CDH4: variants seen among roughly 807,000 people sequenced by gnomAD.
The protein encoded by CDH4 is cadherin-4.
A neutral mutation model predicts 86.0 loss-of-function variants in CDH4; 33 were observed. The ratio of observed to expected loss-of-function variants is 0.38; its 90% CI spans 0.29 to 0.51. The LOEUF is 0.51. CDH4 is among the 20% of genes least tolerant of loss of function. CDH4 has a pLI of 0.86. For synonymous variants in CDH4, 555 were observed against 549.4 expected (o/e 1.01, Z -0.14); for missense variants, 1,114 against 1,307.4 (o/e 0.85, Z 2.28).
At chr20:61,601,453 C>T (rs943243853) in intron 2 of CDH4, among the ~76,000 whole-genome samples, 3 of 152,202 alleles carry the variant, frequency 2.0e-5, no homozygotes, top group African/African-American at 7.2e-5. Flanking sequence ...CACCTGTGCC[C>T]TCCCTGCAGA....
chr20:61,565,173 T>C (rs113768042), intron 2 of CDH4, among the ~76,000 whole-genome samples: 2 of 79,160 alleles, frequency 2.5e-5, no homozygotes, highest in South Asian at 4.6e-4. Context: ...GGTGATGGGG[T>C]GGTGGTGGTG....
chr20:61,312,296 AGTGTGTGTATG>A (rs2084450779), intron 2 of CDH4, among the ~76,000 whole-genome samples: 3 of 139,560 alleles, frequency 2.1e-5, no homozygotes, highest in Admixed American at 2.1e-4. Flanking sequence ...TGCATATGTC[AGTGTGTGTATG>A]GTGTGTGCAT....
chr20:61,497,596 T>C (rs1471031923), intron 2 of CDH4, among the ~76,000 whole-genome samples: 1 of 152,220 alleles, frequency 6.6e-6, no homozygotes, highest in African/African-American at 2.4e-5. Flanking sequence ...GGAACACTTT[T>C]ACACTGTTGG....
At chr20:61,654,758 C>T (rs2087168548) in intron 2 of CDH4, among the ~76,000 whole-genome samples, 1 of 152,192 alleles carries the variant, frequency 6.6e-6, no homozygotes, top group Admixed American at 6.5e-5. Context: ...GTCAGCTTTG[C>T]CCAGGATGGC....
rs78571086 is a variant in CDH4 at position 61,626,652 on chromosome 20, C to T, written c.170-116911C>T. On this transcript the variant is annotated intron_variant, in intron 2 of 15. Coordinates refer to ENST00000614565, the MANE Select transcript of CDH4 (RefSeq NM_001794.5). ...CACGCCCGGGCTTAGCTAACGTGGG[C>T]AGCAGGTCTGCTTCTGCACCCAGCA... 1.8e-3 allele frequency among the ~76,000 whole-genome samples: 278 copies of T among 152,292 alleles called. 12 individuals carry two copies. The East Asian group carries it at 0.051, about 28-fold the overall frequency.
chr20:61,325,992 T>A lies in CDH4; in HGVS notation c.169+71055T>A, dbSNP rs6101312. Among the ~76,000 whole-genome samples, 695 of 152,300 alleles carry A rather than the reference T, an allele frequency of 4.6e-3. 2 individuals are homozygous for A. The highest frequency in any genetic ancestry group is 0.01 in the South Asian group (50 of 4,824). The stretch of plus-strand genomic sequence containing the variant: ...TGGTGGCGGTACCGGTTCAAACCCA[T>A]CAGGAAGTGAGGAGCTGCCTGTCCT... On this transcript the variant is annotated intron_variant, in intron 2 of 15. Coordinates refer to ENST00000614565, the MANE Select transcript of CDH4 (RefSeq NM_001794.5).
intron 2 of CDH4, among the ~76,000 whole-genome samples, chr20:61,423,194 A>G (rs2085189925): frequency 6.6e-6 from 1 of 152,164 alleles, no homozygotes; most frequent in Non-Finnish European, 1.5e-5. Context: ...GGACAGACCC[A>G]GCATCTGCCT....
chr20:61,457,926 G>A (rs1474172991), intron 2 of CDH4, among the ~76,000 whole-genome samples: 1 of 149,444 alleles, frequency 6.7e-6, no homozygotes, highest in Non-Finnish European at 1.5e-5. Context: ...GGTGATGGCA[G>A]TGCTGACACT....
rs142234113 is a variant in CDH4 at position 61,728,712 on chromosome 20, C to T, written c.170-14851C>T. Among the ~76,000 whole-genome samples, 27 of 152,296 alleles carry T rather than the reference C, an allele frequency of 1.8e-4. No individual in the cohort carries two copies. The East Asian group carries it at 2.1e-3, about 12-fold the overall frequency. ...GTCTGAGCAGACAGTATTGAATGAA[C>T]GGATGAATGTATGAGTGAAGATTCA... On this transcript the variant is annotated intron_variant, in intron 2 of 15. Coordinates refer to ENST00000614565, the MANE Select transcript of CDH4 (RefSeq NM_001794.5).
In CDH4 at chr20:61,522,721, C is replaced by T. The variant is rs368990391; in HGVS notation, c.170-220842C>T. ...CACCCGGCTGCGGGCTGTTGTCTTC[C>T]GCGGAAATGGCCGCGGGCTGTTGTC... On this transcript the variant is annotated intron_variant, in intron 2 of 15. Transcript: ENST00000614565. Among the ~76,000 whole-genome samples, 470 of 128,074 alleles carry T rather than the reference C, an allele frequency of 3.7e-3. 3 individuals carry two copies. The highest frequency in any genetic ancestry group is 0.012 in the African/African-American group (443 of 37,926). 84.0% of individuals were successfully genotyped at this position (128,074 alleles called of 152,430 possible).
intron 11 of CDH4, among the ~76,000 whole-genome samples, chr20:61,927,171 C>A (rs1057189578): frequency 5.3e-5 from 8 of 152,258 alleles, no homozygotes; most frequent in Admixed American, 6.5e-5. Context: ...CTGCCTCAGT[C>A]AAAACACGTG....
chr20:61,466,820 C>T (rs1293753300), intron 2 of CDH4, among the ~76,000 whole-genome samples: 1 of 147,328 alleles, frequency 6.8e-6, no homozygotes, highest in Non-Finnish European at 1.5e-5. Flanking sequence ...CACTGCACTC[C>T]AGCCTGGGTG....
chr20:61,735,845 C>T (rs564541220), intron 2 of CDH4, among the ~76,000 whole-genome samples: 1 of 152,312 alleles, frequency 6.6e-6, no homozygotes, highest in African/African-American at 2.4e-5. Flanking sequence ...CAGCGGGGGC[C>T]ACAGCCTTCT....
intron 2 of CDH4, among the ~76,000 whole-genome samples, chr20:61,619,493 G>A (rs1600812259): frequency 6.6e-6 from 1 of 152,176 alleles, no homozygotes; most frequent in East Asian, 1.9e-4. Flanking sequence ...CTCTGAGTTT[G>A]GCACAGAGTG....
chr20:61,812,090 C>T (rs562451485), intron 4 of CDH4, among the ~76,000 whole-genome samples: 2 of 152,244 alleles, frequency 1.3e-5, no homozygotes, highest in East Asian at 1.9e-4. Context: ...AGCACTCTCA[C>T]CGTGCCTTAG....
At chr20:61,454,736 C>T (rs578037782) in intron 2 of CDH4, among the ~76,000 whole-genome samples, 2 of 152,244 alleles carry the variant, frequency 1.3e-5, no homozygotes, top group African/African-American at 2.4e-5. Flanking sequence ...TGAGCCACCG[C>T]GCCCTGCTGG....
chr20:61,693,999 T>G (rs1458092793), intron 2 of CDH4, among the ~76,000 whole-genome samples: 1 of 147,360 alleles, frequency 6.8e-6, no homozygotes, highest in African/African-American at 2.5e-5. Flanking sequence ...TTCAAGCGAG[T>G]CTCCTGCCTC....
At chr20:61,474,294 G>A (rs1410184507) in intron 2 of CDH4, among the ~76,000 whole-genome samples, 3 of 149,612 alleles carry the variant, frequency 2.0e-5, no homozygotes, top group African/African-American at 7.4e-5. Flanking sequence ...CCGAGTAGCT[G>A]GGATTACAGG....
intron 2 of CDH4, among the ~76,000 whole-genome samples, chr20:61,559,602 G>A (rs868332669): frequency 2.9e-5 from 4 of 136,304 alleles, no homozygotes; most frequent in African/African-American, 8.6e-5. Context: ...TCGGCTCACT[G>A]CAGCCTCCCA....
Sources: allele counts gnomAD v4.1 joint callset (sites outside exome capture counted in the v4.1 genomes callset), GRCh38; gene constraint gnomAD v4.1.1; transcripts MANE v1.5; gene names NCBI Gene and HGNC (gene_info 2026-07-23, HGNC 2026-07-21).